MAK16: variants seen among roughly 807,000 people sequenced by gnomAD.
MAK16 encodes protein MAK16 homolog.
MAK16 carries 12 observed loss-of-function variants against 49.9 expected under a neutral mutation model. The observed-to-expected ratio is 0.24, with a 90% CI of 0.15 to 0.39. The LOEUF (loss-of-function observed/expected upper bound fraction) is 0.39, where lower values mean the gene tolerates loss of function less well. Ranked by LOEUF, MAK16 falls within the 10% of genes least tolerant of loss-of-function variation. MAK16 has a pLI of 1.00. For missense variants in MAK16, 292 were observed against 363.7 expected (o/e 0.80, Z 1.60); for synonymous variants, 115 against 126.4 (o/e 0.91, Z 0.60).
Position 33,501,067 on chromosome 8 carries a change from A to C in MAK16, c.*2438A>C. ...CCTTGGTAAAGCTCCAGAAATGGAC[A>C]ATGCTAGTGACTGCACAATATTGTG... On this transcript the variant is annotated 3_prime_UTR_variant, in exon 10 of 10. Coordinates refer to ENST00000360128, the MANE Select transcript of MAK16 (RefSeq NM_032509.4). 1 of 154,156 alleles carries C rather than the reference A, an allele frequency of 6.5e-6. No individual in the cohort carries two copies. Among genetic ancestry groups the C allele is most frequent in the East Asian group, 1.9e-4 (1 of 5,238 alleles). 9.5% of individuals were successfully genotyped at this position (154,156 alleles called of 1,614,324 possible).
At chr8:33,493,865 C>T (rs1348230006) in intron 6 of MAK16, among the ~76,000 whole-genome samples, 1 of 151,720 alleles carries the variant, frequency 6.6e-6, no homozygotes, top group Non-Finnish European at 1.5e-5. Flanking sequence ...ATGTTTTCAG[C>T]AGTGCCATAT....
At chr8:33,497,142 G>A in intron 8 of MAK16, 90 bp from the exon 9 acceptor site, 1 of 958,526 alleles carries the variant, frequency 1.0e-6, no homozygotes, top group Non-Finnish European at 1.6e-6. Flanking sequence ...AAAGACTGTG[G>A]TTCTCATTAT....
At chr8:33,485,412 G>A (rs1385253876) in intron 1 of MAK16, 191 bp downstream of exon 1, 4 of 725,058 alleles carry the variant, frequency 5.5e-6, no homozygotes, top group African/African-American at 5.2e-5. Flanking sequence ...CCGCTGCCCC[G>A]GCCGGGTTGT....
In MAK16 at chr8:33,489,136, G is replaced by A. The variant is rs749417363; in HGVS notation, c.389G>A (p.Arg130Gln). ...LIRIRKLTLK[R>Q]QRKLVPLSKK... is the part of the protein sequence containing the mutation. The stretch of plus-strand genomic sequence containing the variant: ...CGAATTAGAAAACTTACACTAAAGC[G>A]ACAGTAAGTATTTGGATCATTCATT... Residue 130 changes from arginine to glutamine, a missense_variant, in exon 5 of 10, where the codon CGA (arginine) becomes CAA (glutamine). Transcript: ENST00000360128. The surrounding 1 kb of genome is among the most constrained non-coding windows in gnomAD (Gnocchi z 4.2). The A allele has an allele frequency of 1.3e-5, 21 of 1,609,892 alleles. No individual in the cohort carries two copies. Among genetic ancestry groups the A allele is most frequent in the East Asian group, 6.7e-5 (3 of 44,872 alleles).
rs1373869803 is a variant in MAK16 at position 33,498,591 on chromosome 8, C to A, written c.865C>A (p.Gln289Lys). The change falls in exon 10 of 10, where the codon CAG becomes AAG. Residue 289 changes from glutamine to lysine, a missense_variant. Coordinates refer to ENST00000360128, the MANE Select transcript of MAK16 (RefSeq NM_032509.4). The part of the protein sequence containing the change: ...KRAYVEIEYE[Q>K]ETEPVAKAKT... ...AGCCTATGTGGAAATAGAATACGAG[C>A]AGGAGACAGAGCCCGTGGCCAAAGC... 16 of 1,613,690 alleles carry A rather than the reference C, an allele frequency of 9.9e-6. No individual in the cohort carries two copies. The highest frequency in any genetic ancestry group is 1.3e-5 in the African/African-American group (1 of 74,812).
At chr8:33,491,716 C>A (rs187421844) in intron 6 of MAK16, among the ~76,000 whole-genome samples, 163 of 149,900 alleles carry the variant, frequency 1.1e-3, no homozygotes, top group African/African-American at 4.0e-3. Context: ...TCACTGCAAC[C>A]TCTGCTTCCT....
chr8:33,499,081 C>T lies in MAK16; in HGVS notation c.*452C>T, dbSNP rs1003456118. The T allele has an allele frequency of 1.1e-5, 12 of 1,075,808 alleles. No individual in the cohort carries two copies. Among genetic ancestry groups the T allele is most frequent in the African/African-American group, 3.1e-5 (2 of 64,136 alleles). The allele number at this position is 1,075,808 out of a possible 1,614,324, so 66.6% of individuals were successfully genotyped here. A position where few individuals can be genotyped will look rare whatever the true frequency, so the allele number is the denominator to read the frequency against. On this transcript the variant is annotated 3_prime_UTR_variant, in exon 10 of 10. Coordinates refer to ENST00000360128, the MANE Select transcript of MAK16 (RefSeq NM_032509.4). ...AAAGCAGCTTTCACTTACAAAGTTTCGTGTAAAAATATCTTTTTTTCTTAA... is the reference window on the plus strand; with the variant it reads ...AAAGCAGCTTTCACTTACAAAGTTTTGTGTAAAAATATCTTTTTTTCTTAA...
intron 7 of MAK16, among the ~76,000 whole-genome samples, chr8:33,496,398 T>C (rs1013145352): frequency 6.6e-6 from 1 of 152,254 alleles, no homozygotes; most frequent in Admixed American, 6.5e-5. Context: ...TATTTTAAAA[T>C]GTAACTCCAT....
At chr8:33,493,720 G>T (rs1808812857) in intron 6 of MAK16, among the ~76,000 whole-genome samples, 2 of 152,002 alleles carry the variant, frequency 1.3e-5, no homozygotes, top group South Asian at 2.1e-4. Flanking sequence ...CCTTTCAGAA[G>T]AAATTAATTT....
chr8:33,497,184 G>C, intron 8 of MAK16, 48 bp from the exon 9 acceptor site: 1 of 1,373,308 alleles, frequency 7.3e-7, no homozygotes, highest in Non-Finnish European at 1.0e-6. Context: ...TGTCTAATCT[G>C]AATCTTCATT....
At chr8:33,494,277 G>A (rs751784424) in intron 6 of MAK16, among the ~76,000 whole-genome samples, 2 of 152,096 alleles carry the variant, frequency 1.3e-5, no homozygotes, top group African/African-American at 2.4e-5. Context: ...GTTTCACGAC[G>A]TTTGTCAGGC....
intron 1 of MAK16, 62 bp downstream of exon 1, chr8:33,485,283 G>C: frequency 6.2e-7 from 1 of 1,611,870 alleles, no homozygotes; most frequent in South Asian, 1.1e-5. Context: ...CCCATTTTCG[G>C]ACACTTAGAA....
At chr8:33,487,552 A>G (rs531338046) in intron 1 of MAK16, among the ~76,000 whole-genome samples, 3 of 151,986 alleles carry the variant, frequency 2.0e-5, no homozygotes, top group South Asian at 4.2e-4. Context: ...CAGCCTCTCA[A>G]GTAGCTGGGA....
chr8:33,498,839 C>T lies in MAK16; in HGVS notation c.*210C>T. ...GTTGTGAACAAGAGTGTTTTTATAG[C>T]ATATGTGTTGAAGTAACAGCTTGTG... On this transcript the variant is annotated 3_prime_UTR_variant, in exon 10 of 10. Coordinates refer to ENST00000360128, the MANE Select transcript of MAK16 (RefSeq NM_032509.4). 2 of 602,614 alleles carry T rather than the reference C, an allele frequency of 3.3e-6. No homozygotes were observed. Among genetic ancestry groups the T allele is most frequent in the Middle Eastern group, 4.4e-4 (1 of 2,258 alleles). The allele number at this position is 602,614 out of a possible 1,614,324, so 37.3% of individuals were successfully genotyped here.
rs1184688523 is a variant in MAK16 at position 33,498,926 on chromosome 8, TA to T, written c.*300del. 1.7e-6 allele frequency: 1 copy of T among 578,504 alleles called. No individual in the cohort carries two copies. Among genetic ancestry groups the T allele is most frequent in the East Asian group, 2.9e-5 (1 of 34,310 alleles). 35.8% of individuals were successfully genotyped at this position (578,504 alleles called of 1,614,324 possible). On this transcript the variant is annotated 3_prime_UTR_variant, in exon 10 of 10. Coordinates refer to ENST00000360128, the MANE Select transcript of MAK16 (RefSeq NM_032509.4). ...ATGAGATGACGGATGTAAATATTTC[TA>T]AATTTTAAATGCTACATTACTTGGT...
chr8:33,496,516 A>C (rs1255212221), intron 7 of MAK16, 109 bp from the exon 8 acceptor site: 31 of 719,660 alleles, frequency 4.3e-5, no homozygotes, highest in Non-Finnish European at 5.8e-5. Context: ...CATCAAATTA[A>C]GTATTCTGAT....
chr8:33,491,253 G>A (rs1808773470), intron 6 of MAK16, among the ~76,000 whole-genome samples: 1 of 152,158 alleles, frequency 6.6e-6, no homozygotes. Context: ...CATGGAGTGT[G>A]GGTATCCCTT....
chr8:33,494,642 C>T (rs562141062), intron 6 of MAK16, among the ~76,000 whole-genome samples: 1 of 152,088 alleles, frequency 6.6e-6, no homozygotes, highest in Non-Finnish European at 1.5e-5. Flanking sequence ...TGTCAGTGTA[C>T]AAGAAAAGTA....
intron 9 of MAK16, among the ~76,000 whole-genome samples, 191 bp downstream of exon 9, chr8:33,497,488 A>AT (rs919189716): frequency 1.3e-5 from 2 of 151,384 alleles, no homozygotes; most frequent in African/African-American, 4.9e-5. Context: ...CTCATCTCTA[A>AT]TAAAAAAAAA....
Sources: allele counts gnomAD v4.1 joint callset (sites outside exome capture counted in the v4.1 genomes callset), GRCh38; gene constraint gnomAD v4.1.1; non-coding constraint Gnocchi (gnomAD v3.1); transcripts MANE v1.5; gene names NCBI Gene and HGNC (gene_info 2026-07-23, HGNC 2026-07-21).